Variants in SAXO1 observed in about 807,000 individuals in gnomAD.
SAXO1 encodes stabilizer of axonemal microtubules 1, also known as 4930500O09Rik.
Under a neutral mutation model 17.5 loss-of-function variants are expected in SAXO1, and 21 were observed. That is an observed-to-expected ratio of 1.20 (90% CI 0.85 to 1.72). The LOEUF (loss-of-function observed/expected upper bound fraction) is 1.72. SAXO1 is among the 40% of genes most tolerant of loss of function. The probability of loss-of-function intolerance (pLI) is 0.00; values close to 1 mark genes in which losing one functional copy is unlikely to be tolerated. For missense variants in SAXO1, 843 were observed against 596.0 expected, an observed-to-expected ratio of 1.41 and a Z score of -4.32; for synonymous variants, 274 against 216.5, an observed-to-expected ratio of 1.27 and a Z score of -2.33.
chr9:18,939,141 C>A (rs1831441965), intron 3 of SAXO1, among the ~76,000 whole-genome samples: 1 of 152,164 alleles, frequency 6.6e-6, no homozygotes, highest in Non-Finnish European at 1.5e-5. Flanking sequence ...TATGCCATAT[C>A]ACAGTCCCTT....
intron 1 of SAXO1, among the ~76,000 whole-genome samples, chr9:19,042,551 A>G (rs1836102237): frequency 6.6e-6 from 1 of 152,256 alleles, no homozygotes; most frequent in Non-Finnish European, 1.5e-5. Flanking sequence ...CTAAGTGTCT[A>G]TTAACAGATA....
intron 1 of SAXO1, among the ~76,000 whole-genome samples, chr9:18,955,238 C>T: frequency 6.6e-6 from 1 of 152,152 alleles, no homozygotes; most frequent in African/African-American, 2.4e-5. Flanking sequence ...TAAAAAGAAA[C>T]AAGTGAAATT....
chr9:18,937,914 A>T (rs1257495143), intron 3 of SAXO1, among the ~76,000 whole-genome samples: 2 of 152,220 alleles, frequency 1.3e-5, no homozygotes, highest in African/African-American at 4.8e-5. Flanking sequence ...TCAAAAAAAA[A>T]CCTCATAAGA....
Position 18,950,756 on chromosome 9 carries a change from A to T in SAXO1, c.218+2T>A, listed in dbSNP as rs762204066. ...GCATACATTAATACTGTTTGCCCTC[A>T]CCTTGATGTAGTCAGGCCTTCCATT... On this transcript the variant is annotated splice_donor_variant, in intron 2 of 3. Coordinates refer to ENST00000380534, the MANE Select transcript of SAXO1 (RefSeq NM_153707.4). LOFTEE classifies it high-confidence loss of function. 1.2e-6 allele frequency: 2 copies of T among 1,611,768 alleles called. No homozygotes were observed. The highest frequency in any genetic ancestry group is 1.7e-6 in the Non-Finnish European group (2 of 1,178,598).
At chr9:19,018,883 G>C (rs1055293911) in intron 1 of SAXO1, among the ~76,000 whole-genome samples, 8 of 152,112 alleles carry the variant, frequency 5.3e-5, no homozygotes, top group Non-Finnish European at 7.4e-5. Context: ...GCTGAGGCTG[G>C]TGGATCACCT....
At chr9:18,952,396 G>A (rs1008977711) in intron 1 of SAXO1, among the ~76,000 whole-genome samples, 37 of 152,210 alleles carry the variant, frequency 2.4e-4, no homozygotes, top group African/African-American at 8.7e-4. Context: ...CTGCTCTAAT[G>A]TAAAGCTATT....
At chr9:18,971,906 C>G (rs759331668) in intron 1 of SAXO1, among the ~76,000 whole-genome samples, 8 of 147,444 alleles carry the variant, frequency 5.4e-5, no homozygotes, top group Non-Finnish European at 1.2e-4. Flanking sequence ...CCCACTCTCA[C>G]CCCCAAATAT....
chr9:18,999,820 C>G (rs1324360669), intron 1 of SAXO1, among the ~76,000 whole-genome samples: 1 of 147,652 alleles, frequency 6.8e-6, no homozygotes, highest in Non-Finnish European at 1.5e-5. Flanking sequence ...GTCCCACTGT[C>G]TGGGAAGTGA....
intron 1 of SAXO1, among the ~76,000 whole-genome samples, chr9:18,993,194 T>C (rs1486033189): frequency 1.3e-5 from 2 of 152,118 alleles, no homozygotes; most frequent in African/African-American, 4.8e-5. Context: ...TGGTGGTTTG[T>C]TGCACCTATC....
chr9:19,015,501 G>A lies in SAXO1; in HGVS notation c.38+17370C>T, dbSNP rs147057861. ...TGGGATTATGTGTGTGTACCACCAC[G>A]CCCGGCTAATTTTTGTATATTTAGT... On this transcript the variant is annotated intron_variant, in intron 1 of 3. Coordinates refer to ENST00000380534, the MANE Select transcript of SAXO1 (RefSeq NM_153707.4). 1.1e-4 allele frequency among the ~76,000 whole-genome samples: 16 copies of A among 152,138 alleles called. No individual in the cohort carries two copies. The East Asian group carries it at 2.7e-3, about 26-fold the overall frequency.
At chr9:18,957,371 A>ACCACATT (rs375948746) in intron 1 of SAXO1, among the ~76,000 whole-genome samples, 1 of 152,206 alleles carries the variant, frequency 6.6e-6, no homozygotes, top group African/African-American at 2.4e-5. Context: ...ACTTCAGTAT[A>ACCACATT]CAGATGTGGA....
Position 19,033,025 on chromosome 9 carries a change from T to A in SAXO1, c.-117A>T. On this transcript the variant is annotated 5_prime_UTR_variant, in exon 1 of 4. Coordinates refer to ENST00000380534, the MANE Select transcript of SAXO1 (RefSeq NM_153707.4). ...GGCTCGAGGGTCTTGGCAGGTGTTC[T>A]GTTTACTCGAAGGAAAATTTAAGTG... 9.1e-7 allele frequency: 1 copy of A among 1,096,550 alleles called. No homozygotes were observed. The highest frequency in any genetic ancestry group is 1.8e-5 in the South Asian group (1 of 54,474). 67.9% of individuals were successfully genotyped at this position (1,096,550 alleles called of 1,614,324 possible). A position where few individuals can be genotyped will look rare whatever the true frequency, so the allele number is the denominator to read the frequency against.
chr9:19,046,437 T>C (rs911167576), intron 1 of SAXO1, among the ~76,000 whole-genome samples: 9 of 152,210 alleles, frequency 5.9e-5, no homozygotes, highest in African/African-American at 2.2e-4. Context: ...GGCTCACGCC[T>C]GTAATCCCAG....
At chr9:19,007,858 G>A (rs1480622484) in intron 1 of SAXO1, among the ~76,000 whole-genome samples, 1 of 152,168 alleles carries the variant, frequency 6.6e-6, no homozygotes, top group Admixed American at 6.5e-5. Context: ...TTGGAACACA[G>A]CATGCCTGTT....
At position 19,019,507 on chromosome 9, in the gene SAXO1, T is replaced by G. The variant is rs147699578; in HGVS notation, c.38+13364A>C. ...ACTTTGGGAGGCCAAGGCAGTTGTTTACCTTGAGGTCAGGAGTTTGAGACC... is the reference window on the plus strand; with the variant it reads ...ACTTTGGGAGGCCAAGGCAGTTGTTGACCTTGAGGTCAGGAGTTTGAGACC... On this transcript the variant is annotated intron_variant, in intron 1 of 3. Transcript: ENST00000380534. Among the ~76,000 whole-genome samples the G allele has an allele frequency of 6.0e-3, 913 of 152,202 alleles. 7 individuals are homozygous for G. The highest frequency in any genetic ancestry group is 0.01 in the Non-Finnish European group (691 of 68,008).
chr9:18,931,478 A>G (rs568188811), intron 3 of SAXO1, among the ~76,000 whole-genome samples: 17 of 152,300 alleles, frequency 1.1e-4, no homozygotes, highest in Admixed American at 2.6e-4. Flanking sequence ...AGCCTTTGTG[A>G]AGAAGTCTGT....
intron 1 of SAXO1, among the ~76,000 whole-genome samples, chr9:19,031,459 G>A (rs7855338): frequency 0.48 from 73,367 of 152,058 alleles, 19,408 homozygotes; most frequent in African/African-American, 0.71. Flanking sequence ...CTACTCAGGA[G>A]GCTGAGGCAG....
intron 2 of SAXO1, among the ~76,000 whole-genome samples, chr9:18,943,267 A>G (rs1287672102): frequency 2.0e-5 from 3 of 152,198 alleles, no homozygotes; most frequent in Non-Finnish European, 4.4e-5. Flanking sequence ...ATTTAAAAAT[A>G]TATCTTAGCG....
At chr9:19,001,779 C>A (rs900663466) in intron 1 of SAXO1, among the ~76,000 whole-genome samples, 1 of 151,956 alleles carries the variant, frequency 6.6e-6, no homozygotes, top group African/African-American at 2.4e-5. Context: ...ACTAAATGCC[C>A]ATAAGAGAAA....
Sources: allele counts gnomAD v4.1 joint callset (sites outside exome capture counted in the v4.1 genomes callset), GRCh38; gene constraint gnomAD v4.1.1; transcripts MANE v1.5; gene names NCBI Gene and HGNC (gene_info 2026-07-23, HGNC 2026-07-21).